The following ZNF208 variants were observed in gnomAD, a reference collection of about 807,000 sequenced individuals.
ZNF208 encodes the protein zinc finger protein 208, also known as zinc finger protein 95.
A neutral mutation model predicts 12.1 loss-of-function variants in ZNF208; 10 were observed. The observed-to-expected ratio is 0.83, with a 90% confidence interval of 0.51 to 1.40. The LOEUF is 1.40. Ranked by LOEUF, ZNF208 falls within the 40% of genes most tolerant of loss-of-function variation. The pLI, the probability that ZNF208 is intolerant of heterozygous loss-of-function variation, is 0.00. For synonymous variants in ZNF208, 497 were observed against 488.4 expected (o/e 1.02, Z -0.23); for missense variants, 1,652 against 1,485.0 (o/e 1.11, Z -1.85).
chr19:21,972,413 G>A lies in ZNF208; in HGVS notation c.2621C>T (p.Ser874Leu). Residue 874 changes from serine to leucine, a missense_variant, in exon 4 of 4, where the codon TCA (serine) becomes TTA (leucine). Physicochemically the swap from Ser to Leu is moderately radical, Grantham distance 145. Around this residue, in one of 3 missense-constraint regions of ZNF208, gnomAD observed 1,239 missense variants for 1,086.2 expected, o/e 1.14. Coordinates refer to ENST00000397126, the MANE Select transcript of ZNF208 (RefSeq NM_007153.3). ...AATTTTCTTATGATAACTAAGGGTT[G>A]AGGGCCATTTATAGGCTTTGCCACA... ...EECGKAYKWP[S>L]TLSYHKKIHT... 2 of 1,612,506 alleles carry A rather than the reference G, an allele frequency of 1.2e-6. No homozygotes were observed. Among genetic ancestry groups the A allele is most frequent in the Non-Finnish European group, 1.7e-6 (2 of 1,179,308 alleles).
At chr19:21,995,780 ACAGATTCTGCCAT>A (rs748898147) in intron 1 of ZNF208, among the ~76,000 whole-genome samples, 115 of 152,308 alleles carry the variant, frequency 7.6e-4, no homozygotes, top group Non-Finnish European at 1.1e-3. Context: ...GTTTACACTT[ACAGATTCTGCCAT>A]CAGATTCTAT....
intron 4 of ZNF208, among the ~76,000 whole-genome samples, chr19:21,950,432 C>G (rs781378939): frequency 6.6e-5 from 10 of 151,522 alleles, no homozygotes; most frequent in African/African-American, 9.7e-5. Flanking sequence ...CCAAATCTGT[C>G]TCTTTCTTCT....
At chr19:21,999,117 A>G (rs1208327346) in intron 1 of ZNF208, among the ~76,000 whole-genome samples, 1 of 151,632 alleles carries the variant, frequency 6.6e-6, no homozygotes, top group Non-Finnish European at 1.5e-5. Context: ...ATTAATATGC[A>G]TGTCAGACTA....
chr19:21,979,026 C>CA (rs1314796299), intron 3 of ZNF208, among the ~76,000 whole-genome samples: 1 of 151,740 alleles, frequency 6.6e-6, no homozygotes, highest in Non-Finnish European at 1.5e-5. Flanking sequence ...CAAGATTAGA[C>CA]AAAAAAGAAT....
intron 4 of ZNF208, chr19:21,941,483 T>C (rs548221441): frequency 2.0e-5 from 8 of 398,454 alleles, no homozygotes; most frequent in Non-Finnish European, 3.5e-5. Flanking sequence ...CACCATTTCC[T>C]GTTTATTCCT....
At chr19:21,940,459 C>T (rs992217347) in intron 4 of ZNF208, 10 of 151,942 alleles carry the variant, frequency 6.6e-5, no homozygotes, top group Admixed American at 5.9e-4. Flanking sequence ...TAAATTGCCA[C>T]GTGAGAATGA....
At chr19:22,001,203 T>A (rs528003050) in intron 1 of ZNF208, among the ~76,000 whole-genome samples, 1 of 152,162 alleles carries the variant, frequency 6.6e-6, no homozygotes, top group Non-Finnish European at 1.5e-5. Context: ...GAGAATTGCT[T>A]GAACCTGGGA....
At chr19:21,964,132 A>C (rs1970123189), downstream of ZNF208, among the ~76,000 whole-genome samples, 1 of 151,936 alleles carries the variant, frequency 6.6e-6, no homozygotes, top group Admixed American at 6.6e-5. Flanking sequence ...CCAATCAAAA[A>C]TACTACTAAT....
In ZNF208 at chr19:21,970,618, C is replaced by T. The variant is rs1970260492; in HGVS notation, c.*573G>A. ...TTCTTCACATTTGTAGGGCTTCTCA[C>T]CAGTATGAATTCTCTTATGTTCCAT... is the stretch of plus-strand genomic sequence containing the variant. On this transcript the variant is annotated 3_prime_UTR_variant, in exon 4 of 4. Coordinates refer to ENST00000397126, the MANE Select transcript of ZNF208 (RefSeq NM_007153.3). 1.1e-6 allele frequency: 1 copy of T among 939,204 alleles called. No homozygotes were observed. Among genetic ancestry groups the T allele is most frequent in the Middle Eastern group, 2.3e-4 (1 of 4,434 alleles). The allele number at this position is 939,204 out of a possible 1,614,324, so 58.2% of individuals were successfully genotyped here. A position where few individuals can be genotyped will look rare whatever the true frequency, so the allele number is the denominator to read the frequency against.
chr19:21,983,252 A>G (rs1970576286), intron 3 of ZNF208, among the ~76,000 whole-genome samples: 2 of 152,260 alleles, frequency 1.3e-5, no homozygotes. Context: ...ACATATGAAA[A>G]AAAGCACATC....
intron 4 of ZNF208, among the ~76,000 whole-genome samples, chr19:21,954,896 C>T (rs1969948063): frequency 6.6e-6 from 1 of 151,982 alleles, no homozygotes; most frequent in South Asian, 2.1e-4. Flanking sequence ...GTTGATTTTG[C>T]TCATTAGTTG....
chr19:21,941,269 A>G (rs1165402300), intron 4 of ZNF208: 5 of 399,088 alleles, frequency 1.3e-5, no homozygotes, highest in Non-Finnish European at 2.2e-5. Context: ...GAAAATTAGC[A>G]GAAACCAAAG....
chr19:21,960,966 T>C (rs1191448455), intron 4 of ZNF208, among the ~76,000 whole-genome samples: 1 of 152,160 alleles, frequency 6.6e-6, no homozygotes, highest in Non-Finnish European at 1.5e-5. Context: ...TTCCACTTAA[T>C]AAATAGTGAT....
chr19:21,962,535 GGA>G (rs1970090948), downstream of ZNF208, among the ~76,000 whole-genome samples: 1 of 151,382 alleles, frequency 6.6e-6, no homozygotes, highest in Non-Finnish European at 1.5e-5. Flanking sequence ...GATCTTTCAG[GGA>G]TTATATTTTC....
rs546473624 is a variant in ZNF208 at position 21,966,524 on chromosome 19, T to G, written c.*4667A>C. The G allele has an allele frequency of 2.0e-5, 3 of 152,248 alleles. No individual in the cohort carries two copies. The East Asian group carries it at 5.8e-4, about 29-fold the overall frequency. The allele number at this position is 152,248 out of a possible 1,614,324, so 9.4% of individuals were successfully genotyped here. A position where few individuals can be genotyped will look rare whatever the true frequency, so the allele number is the denominator to read the frequency against. On this transcript the variant is annotated 3_prime_UTR_variant, in exon 4 of 4. Coordinates refer to ENST00000397126, the MANE Select transcript of ZNF208 (RefSeq NM_007153.3). ...AATAAAAGATTCATGGGTAACTGGT[T>G]AAATTCTGTTTTTGCTATTGTGAAT...
chr19:21,974,742 CT>C lies in ZNF208; in HGVS notation c.291del (p.Val98Ter). The C allele has an allele frequency of 6.2e-7, 1 of 1,611,114 alleles. No homozygotes were observed. On this transcript the variant is annotated frameshift_variant, in exon 4 of 4. Coordinates refer to ENST00000397126, the MANE Select transcript of ZNF208 (RefSeq NM_007153.3). LOFTEE classifies it low-confidence loss of function (END_TRUNC). ...CATTTTTCATACCTTCTCAATATCA[CT>C]TTTTGGAAAGAATCTTCTATGCCCT... ...PEQGIEDSFQ[K>X]VILRRYEKCG...
chr19:22,007,728 AG>A, intron 1 of ZNF208, among the ~76,000 whole-genome samples: 1 of 151,702 alleles, frequency 6.6e-6, no homozygotes, highest in South Asian at 2.1e-4. Flanking sequence ...AGCCGGGCAC[AG>A]GGGCTCACAC....
chr19:21,998,733 G>C (rs1368278754), intron 1 of ZNF208: 2 of 152,212 alleles, frequency 1.3e-5, no homozygotes, highest in Non-Finnish European at 2.9e-5. Context: ...ACAGCGCCCA[G>C]CTCTCAGCAG....
chr19:21,999,565 T>C (rs1159408425), intron 1 of ZNF208, among the ~76,000 whole-genome samples: 2 of 152,188 alleles, frequency 1.3e-5, no homozygotes, highest in Admixed American at 6.5e-5. Flanking sequence ...GTCTTTATTA[T>C]TCTGTATTGC....
Sources: allele counts gnomAD v4.1 joint callset (sites outside exome capture counted in the v4.1 genomes callset), GRCh38; gene constraint gnomAD v4.1.1; regional missense constraint gnomAD v4.1.1; transcripts MANE v1.5; gene names NCBI Gene and HGNC (gene_info 2026-07-23, HGNC 2026-07-21).